Variants in GCLM observed in about 807,000 individuals in gnomAD.
The protein encoded by GCLM is glutamate--cysteine ligase regulatory subunit.
Under a neutral mutation model 36.0 loss-of-function variants are expected in GCLM, and 15 were observed. That is an observed-to-expected ratio of 0.42 (90% CI 0.28 to 0.64). The LOEUF (loss-of-function observed/expected upper bound fraction) is 0.64. Ranked by LOEUF, GCLM falls within the 30% of genes least tolerant of loss-of-function variation. The pLI, the probability that GCLM is intolerant of heterozygous loss-of-function variation, is 0.25. For missense variants in GCLM, 242 were observed against 325.5 expected (o/e 0.74, Z 1.97); for synonymous variants, 129 against 122.8 (o/e 1.05, Z -0.34).
At position 93,889,170 on chromosome 1, in the gene GCLM, C is replaced by G; in HGVS notation, c.656-11G>C. The G allele has an allele frequency of 6.5e-7, 1 of 1,536,642 alleles. No homozygotes were observed. The highest frequency in any genetic ancestry group is 8.7e-7 in the Non-Finnish European group (1 of 1,143,232). On this transcript the variant is annotated splice_polypyrimidine_tract_variant and intron_variant, in intron 6 of 6. Transcript: ENST00000370238. ...CTTCAGAAAGCAGTTCTAAAAGAAA[C>G]AACAACAAACAAAACTCCAGCGTGT...
chr1:93,900,028 A>G (rs918826806), intron 3 of GCLM, among the ~76,000 whole-genome samples: 29 of 152,202 alleles, frequency 1.9e-4, no homozygotes, highest in Admixed American at 1.9e-3. Context: ...GATATATGCA[A>G]CACATTTTCT....
chr1:93,909,040 C>A lies in GCLM; in HGVS notation c.124G>T (p.Glu42Ter). ...GCGGCGAGTGTCGCCACGCTCACCTCCTCGCTGTGCGTGGACGGGCACTTC... is the reference window on the plus strand; with the variant it reads ...GCGGCGAGTGTCGCCACGCTCACCTACTCGCTGTGCGTGGACGGGCACTTC... ...RKKCPSTHSE[E>*]LHDCIQKTLN... Residue 42 changes from glutamate to a stop codon, truncating the protein, a stop_gained and splice_region_variant, in exon 1 of 7, where the codon GAG becomes TAG. Transcript: ENST00000370238. LOFTEE classifies it high-confidence loss of function. 1 of 1,469,306 alleles carries A rather than the reference C, an allele frequency of 6.8e-7. No individual in the cohort carries two copies. Among genetic ancestry groups the A allele is most frequent in the Non-Finnish European group, 9.0e-7 (1 of 1,115,748 alleles). 91.0% of individuals were successfully genotyped at this position (1,469,306 alleles called of 1,614,324 possible).
chr1:93,902,330 C>T (rs1355461956), intron 2 of GCLM, among the ~76,000 whole-genome samples: 1 of 151,990 alleles, frequency 6.6e-6, no homozygotes, highest in African/African-American at 2.4e-5. Context: ...AGGTGCACGC[C>T]GCCACGCCTG....
At position 93,909,069 on chromosome 1, in the gene GCLM, C is replaced by G; in HGVS notation, c.95G>C (p.Arg32Pro). The change falls in exon 1 of 7, where the codon CGG becomes CCG. Residue 32 changes from arginine (R) to proline (P), a missense_variant. By Grantham distance (103) the Arg-to-Pro change is moderately radical. Transcript: ENST00000370238. Reference sequence around the variant, plus strand: ...GCTGTGCGTGGACGGGCACTTCTTCCGCAGGCGGCCCCAGTTCAGCAGGTT... The same window carrying G: ...GCTGTGCGTGGACGGGCACTTCTTCGGCAGGCGGCCCCAGTTCAGCAGGTT... ...TGNLLNWGRL[R>P]KKCPSTHSEE... The G allele has an allele frequency of 1.4e-6, 2 of 1,474,680 alleles. No homozygotes were observed. The highest frequency in any genetic ancestry group is 2.6e-5 in the South Asian group (2 of 78,254). 91.3% of individuals were successfully genotyped at this position (1,474,680 alleles called of 1,614,324 possible).
chr1:93,897,142 T>C (rs1431800740), intron 4 of GCLM, among the ~76,000 whole-genome samples: 2 of 152,192 alleles, frequency 1.3e-5, no homozygotes, highest in Non-Finnish European at 2.9e-5. Context: ...CAGAAGTTTT[T>C]AGTAGCTCCC....
At chr1:93,892,885 A>G (rs1656585994) in intron 6 of GCLM, among the ~76,000 whole-genome samples, 1 of 152,192 alleles carries the variant, frequency 6.6e-6, no homozygotes, top group South Asian at 2.1e-4. Flanking sequence ...TACTGTTAGA[A>G]GAGCCTCCAA....
chr1:93,909,332 GC>G lies in GCLM; in HGVS notation c.-170del, dbSNP rs1203574770. On this transcript the variant is annotated 5_prime_UTR_variant, in exon 1 of 7. Coordinates refer to ENST00000370238, the MANE Select transcript of GCLM (RefSeq NM_002061.4). Reference sequence around the variant, plus strand: ...TGGTCTGCGCTCGGGCCCGAGGGAGGCCGGACGGCGGCTGGGCGGCGGCGGG... The same window carrying G: ...TGGTCTGCGCTCGGGCCCGAGGGAGGCGGACGGCGGCTGGGCGGCGGCGGG... The G allele has an allele frequency of 9.7e-7, 1 of 1,031,904 alleles. No individual in the cohort carries two copies. Among genetic ancestry groups the G allele is most frequent in the Admixed American group, 5.6e-5 (1 of 17,938 alleles). 63.9% of individuals were successfully genotyped at this position (1,031,904 alleles called of 1,614,324 possible). A position where few individuals can be genotyped will look rare whatever the true frequency, so the allele number is the denominator to read the frequency against.
In GCLM at chr1:93,896,742, G is replaced by A. The variant is rs1198876369; in HGVS notation, c.416C>T (p.Ser139Phe). The A allele has an allele frequency of 1.2e-6, 2 of 1,610,968 alleles. No individual in the cohort carries two copies. The highest frequency in any genetic ancestry group is 2.2e-5 in the East Asian group (1 of 44,868). The change falls in exon 5 of 7, where the codon TCC becomes TTC. Residue 139 changes from serine (S) to phenylalanine (F), a missense_variant. Ser to Phe is a radical substitution (Grantham distance 155). Coordinates refer to ENST00000370238, the MANE Select transcript of GCLM (RefSeq NM_002061.4). Reference sequence around the variant, plus strand: ...CCAGTAAGGCTGTAAATGCTCCAAGGAAAGATTAACTCCATCTTCAATAGG... The same window carrying A: ...CCAGTAAGGCTGTAAATGCTCCAAGAAAAGATTAACTCCATCTTCAATAGG... ...SPPIEDGVNL[S>F]LEHLQPYWEE...
At chr1:93,898,905 A>AT (rs1486888745) in intron 3 of GCLM, among the ~76,000 whole-genome samples, 1 of 151,946 alleles carries the variant, frequency 6.6e-6, no homozygotes, top group African/African-American at 2.4e-5. Flanking sequence ...CCAGGCCAAG[A>AT]TTTTTTTTAT....
chr1:93,902,339 T>C (rs963790718), intron 2 of GCLM, among the ~76,000 whole-genome samples: 1 of 152,024 alleles, frequency 6.6e-6, no homozygotes, highest in Non-Finnish European at 1.5e-5. Context: ...CCGCCACGCC[T>C]GACTAATTTT....
intron 3 of GCLM, 61 bp from the exon 4 acceptor site, chr1:93,897,959 A>G (rs931832329): frequency 3.8e-6 from 3 of 784,004 alleles, no homozygotes; most frequent in Non-Finnish European, 4.0e-6. Context: ...ACTATATGCT[A>G]GTATTAACAC....
intron 5 of GCLM, among the ~76,000 whole-genome samples, chr1:93,896,303 A>G (rs955876902): frequency 4.5e-4 from 69 of 152,210 alleles, no homozygotes; most frequent in African/African-American, 1.6e-3. Flanking sequence ...GCACATAAGT[A>G]GAACTGAAGG....
chr1:93,895,883 G>T (rs963410921), intron 5 of GCLM, among the ~76,000 whole-genome samples: 2 of 151,432 alleles, frequency 1.3e-5, no homozygotes, highest in African/African-American at 4.8e-5. Context: ...CAAAATATCT[G>T]TTATATATAA....
intron 4 of GCLM, 121 bp from the exon 5 acceptor site, chr1:93,896,941 G>T: frequency 1.6e-6 from 1 of 643,384 alleles, no homozygotes. Flanking sequence ...CAAAATAACA[G>T]ATTATTTCAT....
intron 1 of GCLM, among the ~76,000 whole-genome samples, chr1:93,907,439 T>C (rs1476990246): frequency 6.6e-6 from 1 of 152,162 alleles, no homozygotes; most frequent in East Asian, 1.9e-4. Context: ...AGGGCTAATA[T>C]CTTTTTGTGA....
At chr1:93,903,278 C>G (rs933552753) in intron 2 of GCLM, among the ~76,000 whole-genome samples, 1 of 151,392 alleles carries the variant, frequency 6.6e-6, no homozygotes, top group African/African-American at 2.4e-5. Context: ...TAATCACAAG[C>G]ATTTTATTCT....
rs1181071569 is a variant in GCLM at position 93,909,139 on chromosome 1, T to C, written c.25A>G (p.Lys9Glu). ...GTGCGGGCCCGCGCCAGGAGCGCCT[T>C]GGCCGCGCGGCTGTCGGTGCCCATG... MGTDSRAA[K>E]ALLARARTLH... The change falls in exon 1 of 7, where the codon AAG becomes GAG. Residue 9 changes from lysine to glutamate, a missense_variant. Physicochemically the swap from Lys to Glu is moderately conservative, Grantham distance 56. Transcript: ENST00000370238. 20 of 1,390,172 alleles carry C rather than the reference T, an allele frequency of 1.4e-5. No homozygotes were observed. The highest frequency in any genetic ancestry group is 1.7e-5 in the Non-Finnish European group (18 of 1,066,838). The allele number at this position is 1,390,172 out of a possible 1,614,324, so 86.1% of individuals were successfully genotyped here.
chr1:93,902,385 A>G (rs372237638), intron 2 of GCLM, among the ~76,000 whole-genome samples: 27 of 151,494 alleles, frequency 1.8e-4, no homozygotes, highest in African/African-American at 6.5e-4. Flanking sequence ...TCACCGTGTT[A>G]GCCAGGATGG....
intron 1 of GCLM, among the ~76,000 whole-genome samples, chr1:93,907,154 T>C (rs1478203136): frequency 2.6e-5 from 4 of 152,184 alleles, no homozygotes; most frequent in Non-Finnish European, 4.4e-5. Flanking sequence ...TGTTACAAAG[T>C]TCTTTTACAT....
Sources: allele counts gnomAD v4.1 joint callset (sites outside exome capture counted in the v4.1 genomes callset), GRCh38; gene constraint gnomAD v4.1.1; transcripts MANE v1.5; gene names NCBI Gene and HGNC (gene_info 2026-07-23, HGNC 2026-07-21).